Variants in ABHD17A observed in about 807,000 individuals in gnomAD.
ABHD17A encodes alpha/beta hydrolase domain-containing protein 17A.
A neutral mutation model predicts 26.8 loss-of-function variants in ABHD17A; 10 were observed. That is an observed-to-expected ratio of 0.37 (90% CI 0.23 to 0.63). The LOEUF is 0.63. Ranked by LOEUF, ABHD17A falls within the 30% of genes least tolerant of loss-of-function variation. The pLI is 0.61. For missense variants in ABHD17A, 292 were observed against 457.3 expected, an observed-to-expected ratio of 0.64 and a Z score of 3.30; for synonymous variants, 167 against 210.9, an observed-to-expected ratio of 0.79 and a Z score of 1.80.
At position 1,880,789 on chromosome 19, in the gene ABHD17A, G is replaced by C. The variant is rs2012500329; in HGVS notation, c.332+446C>G. The C allele has an allele frequency of 6.7e-7, 1 of 1,502,338 alleles. No individual in the cohort carries two copies. Among genetic ancestry groups the C allele is most frequent in the East Asian group, 2.3e-5 (1 of 43,146 alleles). The allele number at this position is 1,502,338 out of a possible 1,614,324, so 93.1% of individuals were successfully genotyped here. On this transcript the variant is annotated intron_variant, in intron 2 of 4. Coordinates refer to ENST00000292577, the MANE Select transcript of ABHD17A (RefSeq NM_001130111.2). The surrounding 1 kb of genome is among the most constrained non-coding windows in gnomAD (Gnocchi z 4.1). ...AGGTGGTGCCAGGAGCAGGTGGCCA[G>C]GCTGGCCCTGCCATGGACTGCTTCC...
At position 1,879,014 on chromosome 19, in the gene ABHD17A, G is replaced by A. The variant is rs920963029; in HGVS notation, c.527+907C>T. 3.9e-5 allele frequency: 6 copies of A among 152,320 alleles called. No individual in the cohort carries two copies. The highest frequency in any genetic ancestry group is 1.2e-4 in the African/African-American group (5 of 41,450). The allele number at this position is 152,320 out of a possible 1,614,324, so 9.4% of individuals were successfully genotyped here. Reference sequence around the variant, plus strand: ...CCAGGCAGTAGAGACAGGAGGGGCCGAGGAAGTCGCATGAAGTGGTGATTG... The same window carrying A: ...CCAGGCAGTAGAGACAGGAGGGGCCAAGGAAGTCGCATGAAGTGGTGATTG... On this transcript the variant is annotated intron_variant, in intron 3 of 4. Transcript: ENST00000292577. This position sits in a 1 kb window ranked among gnomAD's most constrained non-coding sequence, Gnocchi z 7.6.
intron 2 of ABHD17A, 110 bp downstream of exon 2, chr19:1,881,125 C>G (rs547150719): frequency 6.4e-7 from 1 of 1,562,820 alleles, no homozygotes; most frequent in Admixed American, 1.8e-5. Context: ...TGGCCCTTCA[C>G]GGCAGGCTCG....
rs1479788053 is a variant in ABHD17A, at chr19:1,879,408, G to A, written c.527+513C>T. The A allele has an allele frequency of 7.6e-5, 13 of 171,914 alleles. No individual in the cohort carries two copies. Among genetic ancestry groups the A allele is most frequent in the Non-Finnish European group, 1.6e-4 (13 of 79,706 alleles). The allele number at this position is 171,914 out of a possible 1,614,324, so 10.6% of individuals were successfully genotyped here. ...AGGGCTGGATCTGGAATCGAGGCTG[G>A]CCCAGACCTCGGATGTGTGCTGCGG... On this transcript the variant is annotated intron_variant, in intron 3 of 4. Coordinates refer to ENST00000292577, the MANE Select transcript of ABHD17A (RefSeq NM_001130111.2). The surrounding 1 kb of genome is among the most constrained non-coding windows in gnomAD (Gnocchi z 7.6).
intron 4 of ABHD17A, 23 bp from the exon 5 acceptor site, chr19:1,877,448 G>A (rs758681705): frequency 1.0e-5 from 16 of 1,565,942 alleles, no homozygotes; most frequent in Non-Finnish European, 1.3e-5. Context: ...CGTGGAGCCG[G>A]TGAGACTTCG....
At chr19:1,877,453 A>G (rs2145385896) in intron 4 of ABHD17A, 28 bp from the exon 5 acceptor site, 1 of 1,566,090 alleles carries the variant, frequency 6.4e-7, no homozygotes, top group South Asian at 1.1e-5. Flanking sequence ...AGCCGGTGAG[A>G]CTTCGCGCCC....
chr19:1,881,903 T>A, intron 1 of ABHD17A, 99 bp from the exon 2 acceptor site: 1 of 276,786 alleles, frequency 3.6e-6, no homozygotes. Context: ...GGGGGCGGCA[T>A]GGGCCCGGGG....
In ABHD17A at chr19:1,880,837, C is replaced by A; in HGVS notation, c.332+398G>T. 1 of 1,603,158 alleles carries A rather than the reference C, an allele frequency of 6.2e-7. No homozygotes were observed. The highest frequency in any genetic ancestry group is 1.3e-5 in the African/African-American group (1 of 74,866). On this transcript the variant is annotated intron_variant, in intron 2 of 4. Transcript: ENST00000292577. This position sits in a 1 kb window ranked among gnomAD's most constrained non-coding sequence, Gnocchi z 4.1. ...TCCTCCAGTTCCCCCAGGCCCCCAC[C>A]TAGCCCAGCCAGAAGGTAAAGGCTC...
intron 2 of ABHD17A, 88 bp downstream of exon 2, chr19:1,881,147 G>A (rs927696219): frequency 3.3e-5 from 52 of 1,571,644 alleles, no homozygotes; most frequent in Non-Finnish European, 4.1e-5. Flanking sequence ...GCCCTCGGGG[G>A]CACCACCAAC....
chr19:1,877,210 T>A lies in ABHD17A; in HGVS notation c.923A>T (p.Gln308Leu). 6.8e-7 allele frequency: 1 copy of A among 1,464,368 alleles called. No homozygotes were observed. The highest frequency in any genetic ancestry group is 9.3e-7 in the Non-Finnish European group (1 of 1,080,884). The allele number at this position is 1,464,368 out of a possible 1,614,324, so 90.7% of individuals were successfully genotyped here. The change falls in exon 5 of 5, where the codon CAG becomes CTG. Residue 308 changes from glutamine (Q) to leucine (L), a missense_variant. Gln to Leu is a moderately radical substitution (Grantham distance 113). This residue lies in a region of ABHD17A where 88 missense variants were observed against 134.3 expected (regional missense o/e 0.66). Coordinates refer to ENST00000292577, the MANE Select transcript of ABHD17A (RefSeq NM_001130111.2). ...RRFISQELPS[Q>L]RA Reference sequence around the variant, plus strand: ...CGGTTGGGGCCGCCGCTAGGCGCGCTGGCTGGGCAGCTCCTGGGAGATGAA... The same window carrying A: ...CGGTTGGGGCCGCCGCTAGGCGCGCAGGCTGGGCAGCTCCTGGGAGATGAA...
chr19:1,879,917 T>C lies in ABHD17A; in HGVS notation c.527+4A>G, dbSNP rs369269630. The C allele has an allele frequency of 1.3e-5, 21 of 1,601,924 alleles. No homozygotes were observed. The African/African-American group carries it at 2.5e-4, about 19-fold the overall frequency. On this transcript the variant is annotated splice_donor_region_variant and intron_variant, in intron 3 of 4. Coordinates refer to ENST00000292577, the MANE Select transcript of ABHD17A (RefSeq NM_001130111.2). This position sits in a 1 kb window ranked among gnomAD's most constrained non-coding sequence, Gnocchi z 7.6. ...GGCTGAGCTGCCCCCAGGGTCGCCC[T>C]CACCTGGTGCGCAGGGCCTGCCAGG...
At chr19:1,877,464 G>C (rs1443823800) in intron 4 of ABHD17A, 39 bp from the exon 5 acceptor site, 15 of 1,572,850 alleles carry the variant, frequency 9.5e-6, no homozygotes, top group Admixed American at 3.6e-5. Flanking sequence ...CTTCGCGCCC[G>C]GCCCGGGCCC....
rs747887237 is a variant in ABHD17A, at chr19:1,879,974, G to A, written c.474C>T (p.Ser158=). 4.2e-5 allele frequency: 67 copies of A among 1,613,018 alleles called. No homozygotes were observed. The highest frequency in any genetic ancestry group is 3.3e-4 in the Middle Eastern group (2 of 6,082). The change falls in exon 3 of 5, where the codon TCC becomes TCT. Residue 158 remains serine, a synonymous_variant. Coordinates refer to ENST00000292577, the MANE Select transcript of ABHD17A (RefSeq NM_001130111.2). This position sits in a 1 kb window ranked among gnomAD's most constrained non-coding sequence, Gnocchi z 7.6. ...CGATGTCGGCATAGAGGTTCCTCTC[G>A]GAAGGCCTGCCCGAGCTGGCACCGT... is the stretch of plus-strand genomic sequence containing the variant. ...SGYGASSGRP[S]ERNLYADIDA... is the part of the protein sequence containing the mutation.
Position 1,885,496 on chromosome 19 carries a change from C to T in ABHD17A, c.-383G>A, listed in dbSNP as rs1343259863. ...TCCCCCCACGGACGGAAGTGAGCCT[C>T]GTTCTCACCACCGCCCCGGAAGTGA... is the stretch of plus-strand genomic sequence containing the variant. On this transcript the variant is annotated 5_prime_UTR_variant, in exon 1 of 5. Transcript: ENST00000292577. The T allele has an allele frequency of 6.6e-6, 1 of 152,198 alleles. No homozygotes were observed. Among genetic ancestry groups the T allele is most frequent in the East Asian group, 1.9e-4 (1 of 5,172 alleles). 9.4% of individuals were successfully genotyped at this position (152,198 alleles called of 1,614,324 possible). A position where few individuals can be genotyped will look rare whatever the true frequency, so the allele number is the denominator to read the frequency against.
chr19:1,884,161 C>T (rs1052202037), intron 1 of ABHD17A, among the ~76,000 whole-genome samples: 2 of 152,150 alleles, frequency 1.3e-5, no homozygotes, highest in South Asian at 2.1e-4. Context: ...GGCCAGATCT[C>T]CCCCCACCTC....
intron 1 of ABHD17A, among the ~76,000 whole-genome samples, chr19:1,885,035 G>A (rs142781983): frequency 2.0e-4 from 31 of 152,326 alleles, no homozygotes; most frequent in Admixed American, 5.9e-4. Context: ...CGAAGCGTTT[G>A]TCGGACTGGG....
intron 1 of ABHD17A, 83 bp from the exon 2 acceptor site, chr19:1,881,887 G>A (rs544730237): frequency 1.7e-4 from 49 of 290,570 alleles, no homozygotes; most frequent in African/African-American, 9.5e-4. Flanking sequence ...GCATCCACCC[G>A]TGCCAGGGGG....
intron 1 of ABHD17A, 97 bp downstream of exon 1, chr19:1,885,255 G>C (rs1036229422): frequency 2.8e-4 from 43 of 152,080 alleles, no homozygotes; most frequent in African/African-American, 9.9e-4. Context: ...TGGGACTGCA[G>C]GGGTCTCGGG....
At chr19:1,881,950 C>T (rs1366753580) in intron 1 of ABHD17A, 146 bp from the exon 2 acceptor site, 11 of 219,570 alleles carry the variant, frequency 5.0e-5, no homozygotes, top group Non-Finnish European at 9.8e-5. Context: ...TCCCCACGGC[C>T]TGTCAGGCAC....
In ABHD17A at chr19:1,881,639, G is replaced by A. The variant is rs1395911891; in HGVS notation, c.-73C>T. The A allele has an allele frequency of 7.0e-7, 1 of 1,427,746 alleles. No homozygotes were observed. The highest frequency in any genetic ancestry group is 9.1e-7 in the Non-Finnish European group (1 of 1,100,848). 88.4% of individuals were successfully genotyped at this position (1,427,746 alleles called of 1,614,324 possible). On this transcript the variant is annotated 5_prime_UTR_variant, in exon 2 of 5. Transcript: ENST00000292577. ...CGCCGCCCGGCCTGGCCCGGCAGGGGAGGGGTGGGGGTGCTCCGAGTCGCG... is the reference window on the plus strand; with the variant it reads ...CGCCGCCCGGCCTGGCCCGGCAGGGAAGGGGTGGGGGTGCTCCGAGTCGCG...
Sources: allele counts gnomAD v4.1 joint callset (sites outside exome capture counted in the v4.1 genomes callset), GRCh38; gene constraint gnomAD v4.1.1; regional missense constraint gnomAD v4.1.1; non-coding constraint Gnocchi (gnomAD v3.1); transcripts MANE v1.5; gene names NCBI Gene and HGNC (gene_info 2026-07-23, HGNC 2026-07-21).